Variants in MYO10 observed in about 807,000 individuals in gnomAD.
The protein encoded by MYO10 is myosin X, also known as unconventional myosin-X.
Under a neutral mutation model 257.3 loss-of-function variants are expected in MYO10, and 133 were observed. The observed-to-expected ratio is 0.52, with a 90% CI of 0.45 to 0.60. The LOEUF (loss-of-function observed/expected upper bound fraction) is 0.60. Ranked by LOEUF, MYO10 falls within the 20% of genes least tolerant of loss-of-function variation. The pLI is 0.00. For synonymous variants in MYO10, 1,104 were observed against 1,028.6 expected (o/e 1.07, Z -1.40); for missense variants, 2,399 against 2,635.7 (o/e 0.91, Z 1.97).
chr5:16,708,761 C>T (rs1258736055), intron 21 of MYO10, among the ~76,000 whole-genome samples: 1 of 152,098 alleles, frequency 6.6e-6, no homozygotes, highest in African/African-American at 2.4e-5. Flanking sequence ...AAAGGTCTCA[C>T]TATGTTTTCC....
In MYO10 at chr5:16,666,703, T is replaced by C; in HGVS notation, c.6166A>G (p.Ser2056Gly). ...STTRSASSQG[S>G]SR ...GCTCTGTCCCGCCTTCACCTGGAGCTGCCCTGGCTGCTGGCGGAGCGTGTC... is the reference window on the plus strand; with the variant it reads ...GCTCTGTCCCGCCTTCACCTGGAGCCGCCCTGGCTGCTGGCGGAGCGTGTC... The change falls in exon 41 of 41, where the codon AGC becomes GGC. Residue 2056 changes from serine (S) to glycine (G), a missense_variant. Physicochemically the swap from Ser to Gly is moderately conservative, Grantham distance 56. This residue lies in a region of MYO10 where 1,820 missense variants were observed against 1,939.4 expected (regional missense o/e 0.94). Transcript: ENST00000513610. 2 of 1,603,062 alleles carry C rather than the reference T, an allele frequency of 1.2e-6. No individual in the cohort carries two copies. Among genetic ancestry groups the C allele is most frequent in the Non-Finnish European group, 8.5e-7 (1 of 1,176,502 alleles).
rs945729889 is a variant in MYO10, at chr5:16,794,642, T to C, written c.467+4A>G. 7.5e-6 allele frequency: 12 copies of C among 1,604,582 alleles called. No homozygotes were observed. Among genetic ancestry groups the C allele is most frequent in the African/African-American group, 1.3e-5 (1 of 74,830 alleles). On this transcript the variant is annotated splice_donor_region_variant and intron_variant, in intron 4 of 40. Coordinates refer to ENST00000513610, the MANE Select transcript of MYO10 (RefSeq NM_012334.3). ...AAAGTCCGACTGGCTGTGAGCCCCG[T>C]TACCTGATGAGGATGCACTGGTTGT...
At chr5:16,880,534 T>C (rs1342829865) in intron 1 of MYO10, among the ~76,000 whole-genome samples, 9 of 152,178 alleles carry the variant, frequency 5.9e-5, no homozygotes, top group Admixed American at 5.9e-4. Context: ...TTCATAGATC[T>C]TCAAAGATGC....
chr5:16,856,148 T>C (rs1564651), intron 2 of MYO10, among the ~76,000 whole-genome samples: 4,953 of 152,300 alleles, frequency 0.033, 270 homozygotes, highest in African/African-American at 0.11. Flanking sequence ...TTCTTTTCCC[T>C]TAAAAATTCA....
chr5:16,831,931 T>G (rs1251064370), intron 2 of MYO10, among the ~76,000 whole-genome samples: 1 of 152,146 alleles, frequency 6.6e-6, no homozygotes, highest in East Asian at 1.9e-4. Flanking sequence ...TATAGGTTTT[T>G]GGGTGTGTGT....
At chr5:16,712,593 C>G (rs910505779) in intron 19 of MYO10, among the ~76,000 whole-genome samples, 1 of 152,184 alleles carries the variant, frequency 6.6e-6, no homozygotes, top group Non-Finnish European at 1.5e-5. Context: ...CAGTCATTAA[C>G]ACAGAATTAG....
At chr5:16,912,648 T>C (rs1270984608) in intron 1 of MYO10, among the ~76,000 whole-genome samples, 1 of 152,102 alleles carries the variant, frequency 6.6e-6, no homozygotes, top group Non-Finnish European at 1.5e-5. Flanking sequence ...TAGGCCAGCG[T>C]TGGATATAAT....
chr5:16,932,695 C>A (rs1746322988), intron 1 of MYO10, among the ~76,000 whole-genome samples: 1 of 152,182 alleles, frequency 6.6e-6, no homozygotes, highest in Non-Finnish European at 1.5e-5. Context: ...TTGAAGTCAG[C>A]AGCTGTCAGC....
chr5:16,739,193 A>C (rs528276032), intron 19 of MYO10, among the ~76,000 whole-genome samples: 5,596 of 141,404 alleles, frequency 0.04, 317 homozygotes, highest in African/African-American at 0.15. Context: ...TCATGTCCCA[A>C]AAAAAAAAAA....
chr5:16,699,375 C>A (rs1028646863), intron 26 of MYO10, 75 bp downstream of exon 26: 22 of 1,536,086 alleles, frequency 1.4e-5, no homozygotes, highest in Non-Finnish European at 1.8e-5. Flanking sequence ...TATTTCCCAC[C>A]GCCATCCATC....
chr5:16,709,775 G>T (rs139202128), intron 21 of MYO10, among the ~76,000 whole-genome samples: 188 of 152,300 alleles, frequency 1.2e-3, no homozygotes, highest in Non-Finnish European at 2.1e-3. Flanking sequence ...CATGAAGTTT[G>T]CAGTAATGTA....
chr5:16,771,692 A>G (rs961046945), intron 9 of MYO10, among the ~76,000 whole-genome samples: 13 of 151,308 alleles, frequency 8.6e-5, no homozygotes, highest in Non-Finnish European at 1.9e-4. Flanking sequence ...TGATTCTCCC[A>G]CCTCAGCCTC....
chr5:16,904,044 G>T (rs958481369), intron 1 of MYO10, among the ~76,000 whole-genome samples: 3 of 152,300 alleles, frequency 2.0e-5, no homozygotes, highest in African/African-American at 7.2e-5. Context: ...GTTTCAGGAT[G>T]GGGGCTGCTC....
At chr5:16,823,467 G>GGGGGGGGGTTTT (rs1561003861) in intron 2 of MYO10, among the ~76,000 whole-genome samples, 2 of 3,976 alleles carry the variant, frequency 5.0e-4, no homozygotes, top group African/African-American at 9.8e-4. Context: ...GGGGAGTGGG[G>GGGGGGGGGTTTT]ATTTTTTTTT....
intron 19 of MYO10, among the ~76,000 whole-genome samples, chr5:16,754,415 G>A (rs781757649): frequency 3.3e-5 from 5 of 151,434 alleles, no homozygotes; most frequent in African/African-American, 4.9e-5. Context: ...CCTCTTCATC[G>A]TGTTTAAAAT....
rs189877968 is a variant in MYO10, at chr5:16,666,723, C to A, written c.6146G>T (p.Arg2049Leu). ...GGAGCTGCCCTGGCTGCTGGCGGAG[C>A]GTGTCGTGCTGTAGCGCTTCTTCAC... ...MIVKKRYSTT[R>L]SASSQGSSR The change falls in exon 41 of 41, where the codon CGC becomes CTC. Residue 2049 changes from arginine to leucine, a missense_variant. Physicochemically the swap from Arg to Leu is moderately radical, Grantham distance 102. Transcript: ENST00000513610. 33 of 1,606,424 alleles carry A rather than the reference C, an allele frequency of 2.1e-5. No individual in the cohort carries two copies. Among genetic ancestry groups the A allele is most frequent in the Non-Finnish European group, 2.5e-5 (30 of 1,177,920 alleles).
In MYO10 at chr5:16,701,041, G is replaced by A; in HGVS notation, c.3354C>T (p.Ser1118=). The change falls in exon 25 of 41, where the codon TCC becomes TCT. Residue 1118 remains serine (S), a synonymous_variant. Transcript: ENST00000513610. This position sits in a 1 kb window ranked among gnomAD's most constrained non-coding sequence, Gnocchi z 8.1. The part of the protein sequence containing the change: ...TFSNSYGSQW[S]PDYRCSVGTY... The stretch of plus-strand genomic sequence containing the variant: ...TCCCCACAGAGCAGCGGTAGTCGGG[G>A]GACCACTGGCTGCCGTAGGAGTTGG... 1 of 1,565,072 alleles carries A rather than the reference G, an allele frequency of 6.4e-7. No individual in the cohort carries two copies. Among genetic ancestry groups the A allele is most frequent in the African/African-American group, 1.4e-5 (1 of 73,788 alleles).
chr5:16,825,459 A>C (rs1742973943), intron 2 of MYO10, among the ~76,000 whole-genome samples: 1 of 152,216 alleles, frequency 6.6e-6, no homozygotes, highest in Non-Finnish European at 1.5e-5. Context: ...GTAGTTTAAC[A>C]AAAGTTTCCT....
At chr5:16,748,685 C>T (rs989515977) in intron 19 of MYO10, among the ~76,000 whole-genome samples, 3 of 151,894 alleles carry the variant, frequency 2.0e-5, no homozygotes, top group Admixed American at 6.6e-5. Context: ...TATAAATCCC[C>T]GGGAGGAAAT....
Sources: allele counts gnomAD v4.1 joint callset (sites outside exome capture counted in the v4.1 genomes callset), GRCh38; gene constraint gnomAD v4.1.1; regional missense constraint gnomAD v4.1.1; non-coding constraint Gnocchi (gnomAD v3.1); transcripts MANE v1.5; gene names NCBI Gene and HGNC (gene_info 2026-07-23, HGNC 2026-07-21).